The following BSN variants were observed in gnomAD, a reference collection of about 807,000 sequenced individuals.
The protein encoded by BSN is bassoon presynaptic cytomatrix protein, also known as protein bassoon.
A neutral mutation model predicts 264.8 loss-of-function variants in BSN; 57 were observed. The observed-to-expected ratio is 0.22, with a 90% confidence interval of 0.17 to 0.27. BSN has a LOEUF of 0.27. Among genes scored for constraint, BSN ranks in the 10% least tolerant of loss-of-function variants. The pLI is 1.00. For missense variants in BSN, 4,615 were observed against 5,232.5 expected, an observed-to-expected ratio of 0.88 and a Z score of 3.64; for synonymous variants, 2,059 against 2,137.3, an observed-to-expected ratio of 0.96 and a Z score of 1.01.
At chr3:49,664,665 C>A (rs1350433778) in intron 9 of BSN, 111 bp downstream of exon 9, 1 of 1,535,784 alleles carries the variant, frequency 6.5e-7, no homozygotes, top group Admixed American at 1.8e-5. Context: ...AGAGAGCCCA[C>A]CTGCTGATGC....
At chr3:49,636,107 G>A (rs2052418486) in intron 2 of BSN, among the ~76,000 whole-genome samples, 1 of 152,188 alleles carries the variant, frequency 6.6e-6, no homozygotes, top group Admixed American at 6.5e-5. Flanking sequence ...GCAATGTACA[G>A]CAATTAATTA....
At chr3:49,608,829 GGAA>G (rs1559604390) in intron 1 of BSN, among the ~76,000 whole-genome samples, 1 of 131,748 alleles carries the variant, frequency 7.6e-6, no homozygotes, top group Non-Finnish European at 1.6e-5. Context: ...CTCCGTCTCG[GGAA>G]AAAAAAAAAA....
intron 1 of BSN, among the ~76,000 whole-genome samples, chr3:49,571,300 TG>T (rs2051793270): frequency 6.6e-6 from 1 of 152,044 alleles, no homozygotes; most frequent in Non-Finnish European, 1.5e-5. Context: ...AAGAGGAGCC[TG>T]GGTTTCCTAG....
chr3:49,558,843 C>G (rs948186733), intron 1 of BSN, among the ~76,000 whole-genome samples: 1 of 152,162 alleles, frequency 6.6e-6, no homozygotes, highest in East Asian at 1.9e-4. Flanking sequence ...CTCACAGCAT[C>G]ATTAAGACTA....
chr3:49,651,700 G>A lies in BSN; in HGVS notation c.2144G>A (p.Gly715Glu), dbSNP rs752381958. 9.3e-6 allele frequency: 15 copies of A among 1,613,254 alleles called. No individual in the cohort carries two copies. The highest frequency in any genetic ancestry group is 1.2e-5 in the Non-Finnish European group (14 of 1,179,770). ...CAGCTGGACAGTGCAGGGGTGACAG[G>A]GCCACATCCACCCAGCCCCTCCGAG... is the stretch of plus-strand genomic sequence containing the variant. ...VEQLDSAGVT[G>E]PHPPSPSEIH... Residue 715 changes from glycine to glutamate, a missense_variant, in exon 5 of 12, where the codon GGG becomes GAG. Gly to Glu is a moderately conservative substitution (Grantham distance 98). This residue lies in a region of BSN where 1,197 missense variants were observed against 1,348.0 expected (regional missense o/e 0.89). Coordinates refer to ENST00000296452, the MANE Select transcript of BSN (RefSeq NM_003458.4). This position sits in a 1 kb window ranked among gnomAD's most constrained non-coding sequence, Gnocchi z 5.4.
chr3:49,634,094 G>T (rs974130222), intron 2 of BSN, among the ~76,000 whole-genome samples: 2 of 152,126 alleles, frequency 1.3e-5, no homozygotes, highest in South Asian at 2.1e-4. Flanking sequence ...TGTAGTCCCA[G>T]CTACTTGGGA....
chr3:49,583,628 A>T (rs986132793), intron 1 of BSN, among the ~76,000 whole-genome samples: 2 of 151,576 alleles, frequency 1.3e-5, no homozygotes, highest in Admixed American at 6.6e-5. Context: ...TAAAATTTTT[A>T]AAAAATAAAT....
intron 1 of BSN, among the ~76,000 whole-genome samples, chr3:49,612,981 A>G (rs2052219776): frequency 6.6e-6 from 1 of 152,100 alleles, no homozygotes; most frequent in Admixed American, 6.5e-5. Flanking sequence ...AAAAATACAA[A>G]AACTACCTGG....
rs199855668 is a variant in BSN, at chr3:49,625,057, A to T, written c.307A>T (p.Thr103Ser). The T allele has an allele frequency of 5.0e-6, 8 of 1,595,390 alleles. No homozygotes were observed. The highest frequency in any genetic ancestry group is 6.8e-6 in the Non-Finnish European group (8 of 1,172,830). Residue 103 changes from threonine to serine, a missense_variant, in exon 2 of 12, where the codon ACT (threonine) becomes TCT (serine). This residue lies in a region of BSN where 1,197 missense variants were observed against 1,348.0 expected (regional missense o/e 0.89). Transcript: ENST00000296452. The surrounding 1 kb of genome is among the most constrained non-coding windows in gnomAD (Gnocchi z 4.4). The stretch of plus-strand genomic sequence containing the variant: ...AACTCCGAAGCAGGCTTCTGCTACC[A>T]CTCCTGGCCATGAGAGCCCCCGAGA... ...SPTPKQASAT[T>S]PGHESPRETR...
At position 49,655,682 on chromosome 3, in the gene BSN, C is replaced by T. The variant is rs1295599626; in HGVS notation, c.6126C>T (p.Val2042=). The change falls in exon 5 of 12, where the codon GTC becomes GTT. Residue 2042 remains valine, a synonymous_variant. Coordinates refer to ENST00000296452, the MANE Select transcript of BSN (RefSeq NM_003458.4). ...YLGQGLQYGS[V]TDLRHPTDLL... Reference sequence around the variant, plus strand: ...GGCAGGGCTTGCAGTATGGCTCAGTCACGGACCTGCGTCATCCTACAGACC... The same window carrying T: ...GGCAGGGCTTGCAGTATGGCTCAGTTACGGACCTGCGTCATCCTACAGACC... The T allele has an allele frequency of 6.2e-7, 1 of 1,613,566 alleles. No individual in the cohort carries two copies. Among genetic ancestry groups the T allele is most frequent in the Non-Finnish European group, 8.5e-7 (1 of 1,180,022 alleles).
chr3:49,586,244 C>T (rs1010472897), intron 1 of BSN, among the ~76,000 whole-genome samples: 1 of 152,010 alleles, frequency 6.6e-6, no homozygotes, highest in African/African-American at 2.4e-5. Context: ...AGTCCTTAAT[C>T]CATTTTGATT....
rs768634236 is a variant in BSN at position 49,643,068 on chromosome 3, C to T, written c.1434C>T (p.Ser478=). 6.2e-7 allele frequency: 1 copy of T among 1,614,006 alleles called. No individual in the cohort carries two copies. The highest frequency in any genetic ancestry group is 1.1e-5 in the South Asian group (1 of 91,080). ...CCGAGCTCAACGTGGGCAGCAAGAG[C>T]CCAGCCAACTATAACACATGCACCA... ...CQAELNVGSK[S]PANYNTCTTC... The change falls in exon 3 of 12, where the codon AGC becomes AGT. Residue 478 remains serine, a synonymous_variant. Coordinates refer to ENST00000296452, the MANE Select transcript of BSN (RefSeq NM_003458.4).
Position 49,606,110 on chromosome 3 carries a change from A to ATT in BSN, c.225-18865_225-18864insTT, listed in dbSNP as rs1559603335. On this transcript the variant is annotated intron_variant, in intron 1 of 11. Transcript: ENST00000296452. The stretch of plus-strand genomic sequence containing the variant: ...TTTTTATATATAACATATAATATAT[A>ATT]ATATATACGTATATATTATATATAC... Among the ~76,000 whole-genome samples the ATT allele has an allele frequency of 1.9e-4, 13 of 68,894 alleles. 2 individuals are homozygous for ATT. Among genetic ancestry groups the ATT allele is most frequent in the Non-Finnish European group, 2.3e-4 (9 of 39,862 alleles). 45.2% of individuals were successfully genotyped at this position (68,894 alleles called of 152,430 possible).
At chr3:49,616,672 C>A (rs1029014760) in intron 1 of BSN, among the ~76,000 whole-genome samples, 1 of 152,218 alleles carries the variant, frequency 6.6e-6, no homozygotes, top group Non-Finnish European at 1.5e-5. Flanking sequence ...GCTGCTTTTC[C>A]GTCTGGTCTG....
Position 49,643,104 on chromosome 3 carries a change from C to G in BSN, c.1470C>G (p.Leu490=). The G allele has an allele frequency of 6.2e-7, 1 of 1,613,424 alleles. No homozygotes were observed. The highest frequency in any genetic ancestry group is 1.7e-5 in the Admixed American group (1 of 60,024). ...ANYNTCTTCR[L]QVCNLCGFNP... ...ATAACACATGCACCACCTGCAGGCT[C>G]CAGGTGTGCAACCTGTGTGGCTTCA... is the stretch of plus-strand genomic sequence containing the variant. Residue 490 remains leucine, a synonymous_variant, in exon 3 of 12, where the codon CTC becomes CTG. Transcript: ENST00000296452.
rs142305207 is a variant in BSN, at chr3:49,653,577, C to T, written c.4021C>T (p.Arg1341Cys). 21 of 1,613,722 alleles carry T rather than the reference C, an allele frequency of 1.3e-5. 1 individual carries two copies. Among genetic ancestry groups the T allele is most frequent in the Admixed American group, 5.0e-5 (3 of 59,990 alleles). Residue 1341 changes from arginine to cysteine, a missense_variant, in exon 5 of 12, where the codon CGT becomes TGT. Around this residue, in one of 3 missense-constraint regions of BSN, gnomAD observed 3,415 missense variants for 3,866.4 expected, o/e 0.88. Coordinates refer to ENST00000296452, the MANE Select transcript of BSN (RefSeq NM_003458.4). The surrounding 1 kb of genome is among the most constrained non-coding windows in gnomAD (Gnocchi z 6.3). ...CGGGGGCCGAGTTATTCCCGATGTC[C>T]GTGTCACTCAGCATTTTGCAAAGGA... is the stretch of plus-strand genomic sequence containing the variant. ...SSGGRVIPDVRVTQHFAKETQ... is the reference protein window; with the variant it reads ...SSGGRVIPDVCVTQHFAKETQ...
intron 1 of BSN, among the ~76,000 whole-genome samples, chr3:49,587,953 G>A (rs1424265308): frequency 4.1e-5 from 2 of 48,500 alleles, no homozygotes; most frequent in African/African-American, 6.0e-5. Flanking sequence ...CAAGAGTCTC[G>A]CTCTGTCGCC....
intron 1 of BSN, among the ~76,000 whole-genome samples, chr3:49,606,330 T>TATAATATATATTAAAA (rs2052151793): frequency 2.0e-5 from 1 of 50,502 alleles, no homozygotes; most frequent in Non-Finnish European, 4.7e-5. Context: ...TAAAAATATA[T>TATAATATATATTAAAA]ATATATTTTT....
rs750950398 is a variant in BSN, at chr3:49,652,735, G to A, written c.3179G>A (p.Arg1060Gln). The A allele has an allele frequency of 1.3e-5, 20 of 1,561,390 alleles. No homozygotes were observed. Among genetic ancestry groups the A allele is most frequent in the East Asian group, 2.3e-5 (1 of 44,440 alleles). The stretch of plus-strand genomic sequence containing the variant: ...CTGCTTCGTGAGCAAGAGAAGATGC[G>A]GGAGGTGGAGCAGCAGCGCATCCGC... ...EELLREQEKM[R>Q]EVEQQRIRST... Residue 1060 changes from arginine (R) to glutamine (Q), a missense_variant, in exon 5 of 12, where the codon CGG (arginine) becomes CAG (glutamine). By Grantham distance (43) the Arg-to-Gln change is conservative. Transcript: ENST00000296452.
Sources: allele counts gnomAD v4.1 joint callset (sites outside exome capture counted in the v4.1 genomes callset), GRCh38; gene constraint gnomAD v4.1.1; regional missense constraint gnomAD v4.1.1; non-coding constraint Gnocchi (gnomAD v3.1); transcripts MANE v1.5; gene names NCBI Gene and HGNC (gene_info 2026-07-23, HGNC 2026-07-21).